Variants in SMURF2 observed in about 807,000 individuals in gnomAD.
The protein encoded by SMURF2 is E3 ubiquitin-protein ligase SMURF2.
Under a neutral mutation model 109.6 loss-of-function variants are expected in SMURF2, and 48 were observed. The observed-to-expected ratio is 0.44, with a 90% CI of 0.35 to 0.56. The LOEUF (loss-of-function observed/expected upper bound fraction) is 0.56. Among genes scored for constraint, SMURF2 ranks in the 20% least tolerant of loss-of-function variants. The pLI is 0.01. For synonymous variants in SMURF2, 288 were observed against 317.1 expected (o/e 0.91, Z 0.97); for missense variants, 575 against 909.0 (o/e 0.63, Z 4.72).
chr17:64,548,534 T>C (rs1366341203), intron 16 of SMURF2, among the ~76,000 whole-genome samples: 1 of 152,132 alleles, frequency 6.6e-6, no homozygotes, highest in East Asian at 1.9e-4. Flanking sequence ...ATTACAGGCA[T>C]GCACCACAAT....
chr17:64,638,043 T>TTTC (rs1970444139), intron 1 of SMURF2, among the ~76,000 whole-genome samples: 1 of 115,194 alleles, frequency 8.7e-6, no homozygotes, highest in Non-Finnish European at 1.7e-5. Flanking sequence ...TTCCCATGAG[T>TTTC]TTTTTTTTTT....
chr17:64,605,773 A>ATATATATATATATC (rs1268912427), intron 2 of SMURF2, among the ~76,000 whole-genome samples: 3 of 138,546 alleles, frequency 2.2e-5, no homozygotes, highest in Admixed American at 1.5e-4. Flanking sequence ...ATATATATAT[A>ATATATATATATATC]TATCTTATTT....
intron 1 of SMURF2, among the ~76,000 whole-genome samples, chr17:64,660,392 AG>A (rs1179849869): frequency 6.6e-6 from 1 of 151,742 alleles, no homozygotes; most frequent in Non-Finnish European, 1.5e-5. Context: ...ACACTGAATG[AG>A]GGGGGAGGGG....
chr17:64,588,526 T>C (rs1208549184), intron 5 of SMURF2, among the ~76,000 whole-genome samples: 4 of 152,118 alleles, frequency 2.6e-5, no homozygotes, highest in Non-Finnish European at 5.9e-5. Flanking sequence ...AGTAAAAAGT[T>C]AATGTTCACT....
At chr17:64,596,332 T>A (rs528249121) in intron 3 of SMURF2, among the ~76,000 whole-genome samples, 2 of 152,174 alleles carry the variant, frequency 1.3e-5, no homozygotes, top group African/African-American at 4.8e-5. Flanking sequence ...TTTAAAATTA[T>A]AGATGAGCTC....
intron 1 of SMURF2, among the ~76,000 whole-genome samples, chr17:64,660,050 C>A (rs1167907606): frequency 6.6e-6 from 1 of 152,158 alleles, no homozygotes; most frequent in South Asian, 2.1e-4. Flanking sequence ...TAAGCATAAT[C>A]TTTCCTCTTA....
chr17:64,582,744 A>G (rs1165452942), intron 7 of SMURF2, among the ~76,000 whole-genome samples: 1 of 152,008 alleles, frequency 6.6e-6, no homozygotes, highest in Non-Finnish European at 1.5e-5. Flanking sequence ...GATTACAGGC[A>G]CCCACCACCA....
rs527784711 is a variant in SMURF2, at chr17:64,657,310, T to C, written c.52+4519A>G. On this transcript the variant is annotated intron_variant, in intron 1 of 18. Transcript: ENST00000262435. ...GGGGCGAGGGCATTCATAATTATAC[T>C]GAGTCATGAATAAAACATTAAGTTC... 5.9e-5 allele frequency among the ~76,000 whole-genome samples: 9 copies of C among 152,264 alleles called. No individual in the cohort carries two copies. In the South Asian group the frequency reaches 1.7e-3, roughly 28 times the overall value.
intron 1 of SMURF2, among the ~76,000 whole-genome samples, chr17:64,656,292 A>AAT (rs1953353723): frequency 6.6e-6 from 1 of 152,250 alleles, no homozygotes; most frequent in African/African-American, 2.4e-5. Context: ...GTTTGTAGCA[A>AAT]ATATGACAAC....
chr17:64,575,722 C>A (rs375792082), intron 9 of SMURF2, among the ~76,000 whole-genome samples: 1 of 151,804 alleles, frequency 6.6e-6, no homozygotes, highest in African/African-American at 2.4e-5. Context: ...AAAAAACAAC[C>A]TTCTGTGGGT....
rs1297782883 is a variant in SMURF2, at chr17:64,562,969, A to G, written c.1017-3T>C. The G allele has an allele frequency of 6.2e-7, 1 of 1,608,632 alleles. No homozygotes were observed. The highest frequency in any genetic ancestry group is 8.5e-7 in the Non-Finnish European group (1 of 1,177,198). ...GGTCTTTCAATTGGTTCTGCCGACT[A>G]GAAGTAAACATAGATGTTATTATTA... On this transcript the variant is annotated splice_polypyrimidine_tract_variant and splice_region_variant and intron_variant, in intron 10 of 18. Transcript: ENST00000262435.
intron 15 of SMURF2, among the ~76,000 whole-genome samples, chr17:64,553,519 A>G (rs1225657202): frequency 2.6e-5 from 4 of 152,022 alleles, no homozygotes; most frequent in Non-Finnish European, 4.4e-5. Flanking sequence ...AAACCCAAAA[A>G]AACAAAACAA....
chr17:64,617,128 C>G (rs899356235), intron 1 of SMURF2, among the ~76,000 whole-genome samples: 1 of 130,838 alleles, frequency 7.6e-6, no homozygotes, highest in South Asian at 2.5e-4. Flanking sequence ...ATTGGTGACA[C>G]AGGTTCACAA....
At chr17:64,596,966 C>T (rs1390153289) in intron 3 of SMURF2, among the ~76,000 whole-genome samples, 1 of 151,992 alleles carries the variant, frequency 6.6e-6, no homozygotes, top group Non-Finnish European at 1.5e-5. Flanking sequence ...ACCCCTGTGA[C>T]CCAACTATGG....
chr17:64,594,329 A>G (rs1555687914), intron 3 of SMURF2, among the ~76,000 whole-genome samples: 2 of 152,214 alleles, frequency 1.3e-5, no homozygotes, highest in South Asian at 2.1e-4. Flanking sequence ...ATAAATTACA[A>G]TATCAGAAAA....
At chr17:64,659,233 A>T (rs1425961650) in intron 1 of SMURF2, among the ~76,000 whole-genome samples, 1 of 152,220 alleles carries the variant, frequency 6.6e-6, no homozygotes, top group South Asian at 2.1e-4. Flanking sequence ...CAATTCCACA[A>T]TAAAGTTATT....
intron 1 of SMURF2, among the ~76,000 whole-genome samples, chr17:64,618,206 G>A (rs144217428): frequency 1.3e-5 from 2 of 152,196 alleles, no homozygotes; most frequent in Admixed American, 6.5e-5. Context: ...GCTGAGGTGA[G>A]AGAATCACTT....
intron 1 of SMURF2, among the ~76,000 whole-genome samples, chr17:64,625,863 G>A (rs1555691127): frequency 6.6e-6 from 1 of 152,064 alleles, no homozygotes; most frequent in Non-Finnish European, 1.5e-5. Context: ...GCGCTCCTTT[G>A]AAAATTTAAG....
intron 1 of SMURF2, among the ~76,000 whole-genome samples, chr17:64,646,376 T>TC (rs1970559467): frequency 6.7e-6 from 1 of 148,282 alleles, no homozygotes; most frequent in African/African-American, 2.5e-5. Context: ...TTTTTTTTTT[T>TC]CTTTCTTTTT....
Sources: gnomAD v4.1 joint callset for allele counts (sites outside exome capture counted in the v4.1 genomes callset) on GRCh38, gnomAD v4.1.1 for gene constraint, MANE v1.5 for transcripts, NCBI Gene and HGNC (gene_info 2026-07-23, HGNC 2026-07-21) for gene names.